Variants in ARHGAP30 observed in about 807,000 individuals in gnomAD.
ARHGAP30 encodes Rho GTPase activating protein 30, also known as rho GTPase-activating protein 30.
A neutral mutation model predicts 72.0 loss-of-function variants in ARHGAP30; 23 were observed. The ratio of observed to expected loss-of-function variants is 0.32; its 90% CI spans 0.23 to 0.45. The LOEUF (loss-of-function observed/expected upper bound fraction) is 0.45, where lower values mean the gene tolerates loss of function less well. ARHGAP30 is among the 20% of genes least tolerant of loss of function. ARHGAP30 has a pLI of 1.00. For synonymous variants in ARHGAP30, 576 were observed against 528.2 expected (o/e 1.09, Z -1.24); for missense variants, 1,319 against 1,383.4 (o/e 0.95, Z 0.74).
In ARHGAP30 at chr1:161,047,873, G is replaced by A; in HGVS notation, c.3148C>T (p.Leu1050=). The A allele has an allele frequency of 6.2e-7, 1 of 1,611,524 alleles. No homozygotes were observed. Among genetic ancestry groups the A allele is most frequent in the Non-Finnish European group, 8.5e-7 (1 of 1,178,876 alleles). ...TCTGCACCTTCAGATGGGAGCTCCA[G>A]GCAGCTAAGGGGCCGAGGAGAATGG... ...SAHSPRPLSC[L]ELPSEGAEGS... The change falls in exon 12 of 12, where the codon CTG becomes TTG. Residue 1050 remains leucine, a synonymous_variant. Transcript: ENST00000368013.
chr1:161,048,911 T>A lies in ARHGAP30; in HGVS notation c.2110A>T (p.Arg704Ter). 6.2e-7 allele frequency: 1 copy of A among 1,614,148 alleles called. No homozygotes were observed. The change falls in exon 12 of 12, where the codon AGA becomes TGA. Residue 704 changes from arginine (R) to a stop codon, truncating the protein, a stop_gained. Transcript: ENST00000368013. LOFTEE classifies it low-confidence loss of function (END_TRUNC). ...TCTTCCCTACTCCCTTCTCTCAATCTGACTTTTGTCTCTTGGCTTCCCCCA... is the reference window on the plus strand; with the variant it reads ...TCTTCCCTACTCCCTTCTCTCAATCAGACTTTTGTCTCTTGGCTTCCCCCA... Reference protein sequence around the residue: ...EAGGSQETKVRLREGSREETE... With the variant: ...EAGGSQETKV
At chr1:161,064,840 A>AG (rs1423756874) in intron 1 of ARHGAP30, among the ~76,000 whole-genome samples, 7 of 112,028 alleles carry the variant, frequency 6.2e-5, no homozygotes, top group South Asian at 2.7e-4. Context: ...AGAGAAAGAA[A>AG]GAAAGAAAGG....
chr1:161,052,722 C>G lies in ARHGAP30; in HGVS notation c.740G>C (p.Arg247Thr), dbSNP rs755562684. 2 of 1,612,754 alleles carry G rather than the reference C, an allele frequency of 1.2e-6. No individual in the cohort carries two copies. The highest frequency in any genetic ancestry group is 4.5e-5 in the East Asian group (2 of 44,886). The change falls in exon 7 of 12, where the codon AGG (arginine) becomes ACG (threonine). Residue 247 changes from arginine to threonine, a missense_variant. Arg to Thr is a moderately conservative substitution (Grantham distance 71, BLOSUM62 -1). Transcript: ENST00000368013. ...ASGSPEDLMP[R>T]PLPYHLPSIL... is the part of the protein sequence containing the mutation. ...GCTAGGCAGGTGATAAGGCAGTGGCCTGGGCATAAGGTCCTCGGGGCTGCC... is the reference window on the plus strand; with the variant it reads ...GCTAGGCAGGTGATAAGGCAGTGGCGTGGGCATAAGGTCCTCGGGGCTGCC...
At position 161,048,200 on chromosome 1, in the gene ARHGAP30, G is replaced by T. The variant is rs1260429641; in HGVS notation, c.2821C>A (p.Pro941Thr). 2 of 1,614,160 alleles carry T rather than the reference G, an allele frequency of 1.2e-6. No individual in the cohort carries two copies. The highest frequency in any genetic ancestry group is 1.7e-6 in the Non-Finnish European group (2 of 1,180,032). Residue 941 changes from proline to threonine, a missense_variant, in exon 12 of 12, where the codon CCC (proline) becomes ACC (threonine). By Grantham distance (38) the Pro-to-Thr change is conservative. This residue lies in a region of ARHGAP30 where 1,097 missense variants were observed against 1,045.2 expected (regional missense o/e 1.05). Coordinates refer to ENST00000368013, the MANE Select transcript of ARHGAP30 (RefSeq NM_001025598.2). ...VQQVRSVPVV[P>T]PKPQFAKMPS... Reference sequence around the variant, plus strand: ...ATCTTGGCAAACTGTGGCTTGGGGGGCACCACAGGCACAGAGCGGACCTGT... The same window carrying T: ...ATCTTGGCAAACTGTGGCTTGGGGGTCACCACAGGCACAGAGCGGACCTGT...
At chr1:161,062,656 G>A (rs1013774714) in intron 1 of ARHGAP30, among the ~76,000 whole-genome samples, 2 of 151,806 alleles carry the variant, frequency 1.3e-5, no homozygotes, top group Non-Finnish European at 2.9e-5. Flanking sequence ...TTGAATCTGG[G>A]AGGTAGTTGT....
chr1:161,051,723 G>A lies in ARHGAP30; in HGVS notation c.1019-8C>T. ...CCACCAGCCCCTCTGGCTCTGTGGA[G>A]GAAAAAGAGGGCCAGGTAGGCAATA... On this transcript the variant is annotated splice_polypyrimidine_tract_variant and splice_region_variant and intron_variant, in intron 9 of 11. Coordinates refer to ENST00000368013, the MANE Select transcript of ARHGAP30 (RefSeq NM_001025598.2). The A allele has an allele frequency of 6.3e-7, 1 of 1,591,642 alleles. No homozygotes were observed. The highest frequency in any genetic ancestry group is 8.5e-7 in the Non-Finnish European group (1 of 1,170,052).
At position 161,051,476 on chromosome 1, in the gene ARHGAP30, G is replaced by T; in HGVS notation, c.1258C>A (p.Leu420Ile). The T allele has an allele frequency of 1.2e-5, 19 of 1,614,248 alleles. No homozygotes were observed. Among genetic ancestry groups the T allele is most frequent in the Non-Finnish European group, 1.6e-5 (19 of 1,180,034 alleles). Residue 420 changes from leucine to isoleucine, a missense_variant, in exon 10 of 12, where the codon CTC becomes ATC. This residue lies in a region of ARHGAP30 where 1,097 missense variants were observed against 1,045.2 expected (regional missense o/e 1.05). Transcript: ENST00000368013. ...AGGATAGAGGTGATGTGTAGCGGGA[G>T]GTTGACATTGTAGGGGTCTGAGATG... is the stretch of plus-strand genomic sequence containing the variant. ...VHISDPYNVN[L>I]PLHITSILSV...
rs762373676 is a variant in ARHGAP30 at position 161,051,618 on chromosome 1, C to T, written c.1116G>A (p.Gln372=). 7.4e-6 allele frequency: 12 copies of T among 1,613,428 alleles called. No individual in the cohort carries two copies. In the South Asian group the frequency reaches 8.8e-5, roughly 12 times the overall value. Residue 372 remains glutamine, a synonymous_variant, in exon 10 of 12, where the codon CAG becomes CAA. Transcript: ENST00000368013. ...CACCCAGTGCTTCTGCCTCAGGCTC[C>T]TGTTCACCCTCTGCTGCCTCTATAG... The part of the protein sequence containing the change: ...NDSIEAAEGE[Q]EPEAEALGGT...
chr1:161,052,411 C>T, intron 8 of ARHGAP30, 29 bp downstream of exon 8: 1 of 1,613,620 alleles, frequency 6.2e-7, no homozygotes, highest in Non-Finnish European at 8.5e-7. Flanking sequence ...GCACCCTCAG[C>T]AGAGCTCCCC....
chr1:161,051,946 A>G lies in ARHGAP30; in HGVS notation c.1019-231T>C, dbSNP rs982990375. The stretch of plus-strand genomic sequence containing the variant: ...CTAGGGAACTCCCTTCCTTCCCTGC[A>G]GATACAGTCACTGGCCGTTGTCACC... On this transcript the variant is annotated intron_variant, in intron 9 of 11. Transcript: ENST00000368013. 2.7e-5 allele frequency among the ~76,000 whole-genome samples: 4 copies of G among 150,812 alleles called. No individual in the cohort carries two copies. In the South Asian group the frequency reaches 8.3e-4, roughly 31 times the overall value.
intron 1 of ARHGAP30, among the ~76,000 whole-genome samples, chr1:161,068,972 A>T (rs1047090232): frequency 6.6e-6 from 1 of 152,100 alleles, no homozygotes; most frequent in East Asian, 1.9e-4. Context: ...GACTAGGGGC[A>T]GAGGTTGTTT....
rs1157675209 is a variant in ARHGAP30, at chr1:161,047,998, T to C, written c.3023A>G (p.Gln1008Arg). The C allele has an allele frequency of 6.2e-7, 1 of 1,614,120 alleles. No homozygotes were observed. The highest frequency in any genetic ancestry group is 8.5e-7 in the Non-Finnish European group (1 of 1,180,012). Residue 1008 changes from glutamine (Q) to arginine (R), a missense_variant, in exon 12 of 12, where the codon CAA becomes CGA. By Grantham distance (43) the Gln-to-Arg change is conservative (BLOSUM62 1). Coordinates refer to ENST00000368013, the MANE Select transcript of ARHGAP30 (RefSeq NM_001025598.2). ...DAAVALARDR[Q>R]RTEAQGVRRT... ...CCGAACTCCTTGAGCCTCAGTCCTT[T>C]GGCGGTCCCGGGCTAGGGCCACAGC... is the stretch of plus-strand genomic sequence containing the variant.
chr1:161,069,808 ACAC>A lies in ARHGAP30; in HGVS notation c.-187_-185del, dbSNP rs1653043886. 4.9e-6 allele frequency: 3 copies of A among 607,848 alleles called. No homozygotes were observed. Among genetic ancestry groups the A allele is most frequent in the Admixed American group, 5.9e-5 (2 of 33,784 alleles). 37.7% of individuals were successfully genotyped at this position (607,848 alleles called of 1,614,324 possible). Reference sequence around the variant, plus strand: ...AGCTCCTGCCCCTGGGGCCCCGGCCACACGGAAGTGGCTGTTGAAGAGGAAGCT... The same window carrying A: ...AGCTCCTGCCCCTGGGGCCCCGGCCAGGAAGTGGCTGTTGAAGAGGAAGCT... On this transcript the variant is annotated 5_prime_UTR_variant, in exon 1 of 12. Coordinates refer to ENST00000368013, the MANE Select transcript of ARHGAP30 (RefSeq NM_001025598.2). The surrounding 1 kb of genome is among the most constrained non-coding windows in gnomAD (Gnocchi z 4.9).
chr1:161,065,569 T>C (rs1652696261), intron 1 of ARHGAP30, among the ~76,000 whole-genome samples: 1 of 151,928 alleles, frequency 6.6e-6, no homozygotes, highest in Non-Finnish European at 1.5e-5. Context: ...TTTTTTCTTT[T>C]CTTTTTTTTT....
intron 1 of ARHGAP30, among the ~76,000 whole-genome samples, chr1:161,067,233 A>G (rs1195877395): frequency 1.3e-5 from 2 of 152,162 alleles, no homozygotes; most frequent in Admixed American, 6.5e-5. Flanking sequence ...AAATAAGAGT[A>G]GGGTCAGGGA....
Position 161,069,457 on chromosome 1 carries a change from C to T in ARHGAP30, c.97+71G>A. ...AGCACCGGAAACTGCTTCTGCCCTT[C>T]AGGCTGGATCGGGCTGCAGATGCCC... is the stretch of plus-strand genomic sequence containing the variant. On this transcript the variant is annotated intron_variant, in intron 1 of 11. Coordinates refer to ENST00000368013, the MANE Select transcript of ARHGAP30 (RefSeq NM_001025598.2). The surrounding 1 kb of genome is among the most constrained non-coding windows in gnomAD (Gnocchi z 4.9). The T allele has an allele frequency of 1.3e-6, 2 of 1,510,164 alleles. No individual in the cohort carries two copies. Among genetic ancestry groups the T allele is most frequent in the African/African-American group, 1.4e-5 (1 of 73,094 alleles). 93.5% of individuals were successfully genotyped at this position (1,510,164 alleles called of 1,614,324 possible).
chr1:161,059,641 C>G lies in ARHGAP30; in HGVS notation c.173G>C (p.Gly58Ala), dbSNP rs577602507. 137 of 1,613,686 alleles carry G rather than the reference C, an allele frequency of 8.5e-5. 3 individuals are homozygous for G. In the South Asian group the frequency reaches 1.4e-3, roughly 17 times the overall value. The change falls in exon 2 of 12, where the codon GGG becomes GCG. Residue 58 changes from glycine to alanine, a missense_variant. Coordinates refer to ENST00000368013, the MANE Select transcript of ARHGAP30 (RefSeq NM_001025598.2). ...AAGCTTCTGGATGTTGGAGGAGACC[C>G]CTGAGAGGCGGTAGATCCCATCCAC... ...GVVDGIYRLS[G>A]VSSNIQKLRQ...
chr1:161,059,714 G>A lies in ARHGAP30; in HGVS notation c.100C>T (p.Pro34Ser), dbSNP rs1195299538. 6.2e-7 allele frequency: 1 copy of A among 1,612,012 alleles called. No individual in the cohort carries two copies. The highest frequency in any genetic ancestry group is 8.5e-7 in the Non-Finnish European group (1 of 1,178,774). ...TCTGCACAGCTCTTTAGCACCTGGG[G>A]CACTGGGGACACAGACGGGGCAGAG... ...EHLQHSGQEV[P>S]QVLKSCAEFV... Residue 34 changes from proline (P) to serine (S), a missense_variant and splice_region_variant, in exon 2 of 12, where the codon CCC becomes TCC. By Grantham distance (74) the Pro-to-Ser change is moderately conservative (BLOSUM62 -1). This residue lies in a region of ARHGAP30 where 222 missense variants were observed against 338.2 expected (regional missense o/e 0.66). Transcript: ENST00000368013.
At position 161,047,620 on chromosome 1, in the gene ARHGAP30, T is replaced by G; in HGVS notation, c.*95A>C. 1 of 1,374,756 alleles carries G rather than the reference T, an allele frequency of 7.3e-7. No individual in the cohort carries two copies. The allele number at this position is 1,374,756 out of a possible 1,614,324, so 85.2% of individuals were successfully genotyped here. ...GGCCAAAGCCTATAGAGTTGGGCACTACAGCTGCTCATGCTGCAGAGGAGA... is the reference window on the plus strand; with the variant it reads ...GGCCAAAGCCTATAGAGTTGGGCACGACAGCTGCTCATGCTGCAGAGGAGA... On this transcript the variant is annotated 3_prime_UTR_variant, in exon 12 of 12. Coordinates refer to ENST00000368013, the MANE Select transcript of ARHGAP30 (RefSeq NM_001025598.2).
Sources: allele counts gnomAD v4.1 joint callset (sites outside exome capture counted in the v4.1 genomes callset), GRCh38; gene constraint gnomAD v4.1.1; regional missense constraint gnomAD v4.1.1; non-coding constraint Gnocchi (gnomAD v3.1); transcripts MANE v1.5; gene names NCBI Gene and HGNC (gene_info 2026-07-23, HGNC 2026-07-21).